EIF5: variants seen among roughly 807,000 people sequenced by gnomAD.
EIF5 encodes eukaryotic translation initiation factor 5.
In EIF5, 10 loss-of-function variants were observed where a neutral mutation model predicts 48.3. The observed-to-expected ratio is 0.21, with a 90% confidence interval of 0.13 to 0.35. The LOEUF is 0.35. EIF5 is among the 10% of genes least tolerant of loss of function. The pLI is 1.00. For synonymous variants in EIF5, 237 were observed against 173.1 expected, an observed-to-expected ratio of 1.37 and a Z score of -2.90; for missense variants, 397 against 533.2, an observed-to-expected ratio of 0.74 and a Z score of 2.51.
At position 103,339,101 on chromosome 14, in the gene EIF5, G is replaced by C. The variant is rs562609310; in HGVS notation, c.745-71G>C. On this transcript the variant is annotated intron_variant, in intron 8 of 11. Coordinates refer to ENST00000216554, the MANE Select transcript of EIF5 (RefSeq NM_001969.5). Reference sequence around the variant, plus strand: ...AGGAAAAATATGTTCATCAGAGCAGGGACTGGCTGGTGTCTTGAGCCTGGC... The same window carrying C: ...AGGAAAAATATGTTCATCAGAGCAGCGACTGGCTGGTGTCTTGAGCCTGGC... 3.5e-4 allele frequency: 537 copies of C among 1,539,256 alleles called. 2 individuals are homozygous for C. In the African/African-American group the frequency reaches 6.3e-3, roughly 18 times the overall value.
At position 103,342,395 on chromosome 14, in the gene EIF5, A is replaced by C. The variant is rs1031263250; in HGVS notation, c.*1343A>C. ...TCCTTGCCTGATCTAAACTCATATTATGGGTTCTGACTGTTTGAGTAATCA... is the reference window on the plus strand; with the variant it reads ...TCCTTGCCTGATCTAAACTCATATTCTGGGTTCTGACTGTTTGAGTAATCA... On this transcript the variant is annotated 3_prime_UTR_variant, in exon 12 of 12. Transcript: ENST00000216554. 18 of 152,190 alleles carry C rather than the reference A, an allele frequency of 1.2e-4. No individual in the cohort carries two copies. Among genetic ancestry groups the C allele is most frequent in the African/African-American group, 4.3e-4 (18 of 41,442 alleles). The allele number at this position is 152,190 out of a possible 1,614,324, so 9.4% of individuals were successfully genotyped here. A position where few individuals can be genotyped will look rare whatever the true frequency, so the allele number is the denominator to read the frequency against.
At position 103,342,022 on chromosome 14, in the gene EIF5, C is replaced by T. The variant is rs2140364080; in HGVS notation, c.*970C>T. On this transcript the variant is annotated 3_prime_UTR_variant, in exon 12 of 12. Coordinates refer to ENST00000216554, the MANE Select transcript of EIF5 (RefSeq NM_001969.5). Reference sequence around the variant, plus strand: ...GTGTGGCTTTAATTTTCCCCTCTTGCAGTTTGTTCTGTAATGCCTTTTACA... The same window carrying T: ...GTGTGGCTTTAATTTTCCCCTCTTGTAGTTTGTTCTGTAATGCCTTTTACA... 1 of 152,694 alleles carries T rather than the reference C, an allele frequency of 6.5e-6. No homozygotes were observed. The highest frequency in any genetic ancestry group is 1.5e-5 in the Non-Finnish European group (1 of 68,016). 9.5% of individuals were successfully genotyped at this position (152,694 alleles called of 1,614,324 possible).
intron 9 of EIF5, 132 bp downstream of exon 9, chr14:103,339,465 T>C: frequency 7.1e-7 from 1 of 1,404,682 alleles, no homozygotes; most frequent in East Asian, 2.3e-5. Context: ...AGCCTCTGAG[T>C]ATCTGAAAGT....
chr14:103,339,355 CATAA>C lies in EIF5; in HGVS notation c.906+25_906+28del, dbSNP rs765711767. 8 of 1,575,866 alleles carry C rather than the reference CATAA, an allele frequency of 5.1e-6. No individual in the cohort carries two copies. In the African/African-American group the frequency reaches 1.1e-4, roughly 22 times the overall value. ...ACGAGTAAGCAAAGTGCTCTGGATT[CATAA>C]ATGAGATTACAGTTGTGTGGCTTTC... On this transcript the variant is annotated intron_variant, in intron 9 of 11. Coordinates refer to ENST00000216554, the MANE Select transcript of EIF5 (RefSeq NM_001969.5).
At chr14:103,336,498 T>C in intron 4 of EIF5, 179 bp from the exon 5 acceptor site, 1 of 651,834 alleles carries the variant, frequency 1.5e-6, no homozygotes, top group Non-Finnish European at 2.5e-6. Context: ...GGAGAATCGC[T>C]TGAACCCCGG....
intron 6 of EIF5, 137 bp from the exon 7 acceptor site, chr14:103,338,190 A>T: frequency 8.3e-7 from 1 of 1,200,534 alleles, no homozygotes; most frequent in Non-Finnish European, 1.2e-6. Flanking sequence ...GAAGCCTCTT[A>T]GGTAGCATTG....
rs182555556 is a variant in EIF5, at chr14:103,335,667, C to T, written c.-194C>T. The T allele has an allele frequency of 1.3e-4, 76 of 591,280 alleles. No homozygotes were observed. The Admixed American group carries it at 1.9e-3, about 15-fold the overall frequency. 36.6% of individuals were successfully genotyped at this position (591,280 alleles called of 1,614,324 possible). ...TTTTCTTTCAGAGCTGTTGCGCAGC[C>T]ATTGGTACCTGTATTGGGGAAACAT... On this transcript the variant is annotated 5_prime_UTR_variant, in exon 3 of 12. Transcript: ENST00000216554.
chr14:103,344,856 T>A lies in EIF5; in HGVS notation c.*3804T>A, dbSNP rs1281621509. ...TCAGGTAAAGGACAAGTTGTAAGCT[T>A]GGATTTTTAGGTCTAGCAATACACT... On this transcript the variant is annotated 3_prime_UTR_variant, in exon 12 of 12. Coordinates refer to ENST00000216554, the MANE Select transcript of EIF5 (RefSeq NM_001969.5). 3 of 152,198 alleles carry A rather than the reference T, an allele frequency of 2.0e-5. No individual in the cohort carries two copies. The highest frequency in any genetic ancestry group is 7.2e-5 in the African/African-American group (3 of 41,432). The allele number at this position is 152,198 out of a possible 1,614,324, so 9.4% of individuals were successfully genotyped here.
chr14:103,339,572 T>C, intron 9 of EIF5, 67 bp from the exon 10 acceptor site: 4 of 1,603,072 alleles, frequency 2.5e-6, no homozygotes, highest in South Asian at 2.2e-5. Context: ...CACTCTTATT[T>C]GGGTAATAGA....
rs767330819 is a variant in EIF5 at position 103,337,889 on chromosome 14, A to G, written c.440-438A>G. The G allele has an allele frequency of 5.7e-6, 3 of 521,744 alleles. No homozygotes were observed. In the Admixed American group the frequency reaches 5.8e-5, roughly 10 times the overall value. The allele number at this position is 521,744 out of a possible 1,614,324, so 32.3% of individuals were successfully genotyped here. On this transcript the variant is annotated intron_variant, in intron 6 of 11. Coordinates refer to ENST00000216554, the MANE Select transcript of EIF5 (RefSeq NM_001969.5). ...GCAGATGATCAAAACTGTCTGACACAATTTGAGCTTGCTATAGCAAGAAAG... is the reference window on the plus strand; with the variant it reads ...GCAGATGATCAAAACTGTCTGACACGATTTGAGCTTGCTATAGCAAGAAAG...
rs12896 is a variant in EIF5, at chr14:103,334,467, C to T, written c.-339C>T. On this transcript the variant is annotated 5_prime_UTR_variant, in exon 2 of 12. Coordinates refer to ENST00000216554, the MANE Select transcript of EIF5 (RefSeq NM_001969.5). ...CCCTCCCCGCTGCTCGGCGGCGGCA[C>T]CTGGCCCGGCCGCTCCTCGCTGCGC... is the stretch of plus-strand genomic sequence containing the variant. 0.16 allele frequency: 23,931 copies of T among 152,470 alleles called. 2,147 individuals are homozygous for T. The highest frequency in any genetic ancestry group is 0.31 in the East Asian group (1,579 of 5,108). The allele number at this position is 152,470 out of a possible 1,614,324, so 9.4% of individuals were successfully genotyped here.
At position 103,343,039 on chromosome 14, in the gene EIF5, TACAAA is replaced by T. The variant is rs1181860084; in HGVS notation, c.*1988_*1992del. 6.6e-6 allele frequency: 1 copy of T among 152,664 alleles called. No homozygotes were observed. Among genetic ancestry groups the T allele is most frequent in the Non-Finnish European group, 1.5e-5 (1 of 68,036 alleles). 9.5% of individuals were successfully genotyped at this position (152,664 alleles called of 1,614,324 possible). On this transcript the variant is annotated 3_prime_UTR_variant, in exon 12 of 12. Coordinates refer to ENST00000216554, the MANE Select transcript of EIF5 (RefSeq NM_001969.5). Reference sequence around the variant, plus strand: ...GTCTGGTGCCAAACTTCGAATGGAATACAAATTCACATAATCTGAACTTTGTTCAC... The same window carrying T: ...GTCTGGTGCCAAACTTCGAATGGAATTTCACATAATCTGAACTTTGTTCAC...
At chr14:103,335,041 A>G (rs2089267536) in intron 2 of EIF5, 1 of 152,212 alleles carries the variant, frequency 6.6e-6, no homozygotes, top group Non-Finnish European at 1.5e-5. Flanking sequence ...GGAGCGCGGT[A>G]GCCATGGGGA....
At position 103,338,987 on chromosome 14, in the gene EIF5, C is replaced by G. The variant is rs2089321696; in HGVS notation, c.744+94C>G. The G allele has an allele frequency of 2.6e-6, 4 of 1,513,202 alleles. 1 individual carries two copies. The highest frequency in any genetic ancestry group is 3.6e-6 in the Non-Finnish European group (4 of 1,126,498). The allele number at this position is 1,513,202 out of a possible 1,614,324, so 93.7% of individuals were successfully genotyped here. On this transcript the variant is annotated intron_variant, in intron 8 of 11. Transcript: ENST00000216554. ...CTTTAGCAGTGTAATTAGGATTACTCTAATGCACGACTTTTTAGAACTCTT... is the reference window on the plus strand; with the variant it reads ...CTTTAGCAGTGTAATTAGGATTACTGTAATGCACGACTTTTTAGAACTCTT...
chr14:103,339,968 C>G (rs1390093049), intron 10 of EIF5, among the ~76,000 whole-genome samples, 165 bp downstream of exon 10: 1 of 152,170 alleles, frequency 6.6e-6, no homozygotes, highest in South Asian at 2.1e-4. Context: ...AAGTGATTCT[C>G]CTGCCTCAGC....
chr14:103,339,411 T>TTGTCC, intron 9 of EIF5, 78 bp downstream of exon 9: 1 of 1,521,448 alleles, frequency 6.6e-7, no homozygotes, highest in Non-Finnish European at 8.8e-7. Context: ...CCACTTTTGC[T>TTGTCC]TGTCCTGTCA....
chr14:103,341,156 C>T lies in EIF5; in HGVS notation c.*104C>T, dbSNP rs1214965313. ...TGCAAAAGCTAAAATGGCTTAACAT[C>T]ATGCTACACTTTACACTAAAAATCT... On this transcript the variant is annotated 3_prime_UTR_variant, in exon 12 of 12. Transcript: ENST00000216554. The T allele has an allele frequency of 6.1e-6, 6 of 984,340 alleles. No homozygotes were observed. The highest frequency in any genetic ancestry group is 3.8e-5 in the Admixed American group (2 of 52,810). 61.0% of individuals were successfully genotyped at this position (984,340 alleles called of 1,614,324 possible). A position where few individuals can be genotyped will look rare whatever the true frequency, so the allele number is the denominator to read the frequency against.
intron 11 of EIF5, 75 bp downstream of exon 11, chr14:103,340,636 G>A (rs1222447499): frequency 6.5e-7 from 1 of 1,536,544 alleles, no homozygotes; most frequent in East Asian, 2.3e-5. Context: ...TTTGTGAGGA[G>A]TGATATAATG....
In EIF5 at chr14:103,343,043, A is replaced by G. The variant is rs1265607548; in HGVS notation, c.*1991A>G. The G allele has an allele frequency of 6.6e-6, 1 of 152,644 alleles. No homozygotes were observed. The highest frequency in any genetic ancestry group is 2.4e-5 in the African/African-American group (1 of 41,456). 9.5% of individuals were successfully genotyped at this position (152,644 alleles called of 1,614,324 possible). A position where few individuals can be genotyped will look rare whatever the true frequency, so the allele number is the denominator to read the frequency against. On this transcript the variant is annotated 3_prime_UTR_variant, in exon 12 of 12. Coordinates refer to ENST00000216554, the MANE Select transcript of EIF5 (RefSeq NM_001969.5). ...GGTGCCAAACTTCGAATGGAATACA[A>G]ATTCACATAATCTGAACTTTGTTCA... is the stretch of plus-strand genomic sequence containing the variant.
Sources: allele counts gnomAD v4.1 joint callset (sites outside exome capture counted in the v4.1 genomes callset), GRCh38; gene constraint gnomAD v4.1.1; transcripts MANE v1.5; gene names NCBI Gene and HGNC (gene_info 2026-07-23, HGNC 2026-07-21).